CTTNBP2: variants seen among roughly 807,000 people sequenced by gnomAD.
CTTNBP2 encodes cortactin binding protein 2.
Under a neutral mutation model 156.9 loss-of-function variants are expected in CTTNBP2, and 108 were observed. The observed-to-expected ratio is 0.69, with a 90% confidence interval of 0.59 to 0.81. The LOEUF is 0.81. CTTNBP2 is among the 30% of genes least tolerant of loss of function. The pLI, the probability that CTTNBP2 is intolerant of heterozygous loss-of-function variation, is 0.00. For synonymous variants in CTTNBP2, 767 were observed against 751.8 expected (o/e 1.02, Z -0.33); for missense variants, 1,924 against 2,035.4 (o/e 0.95, Z 1.05).
chr7:117,853,152 A>T (rs1198596559), intron 2 of CTTNBP2, among the ~76,000 whole-genome samples: 1 of 152,222 alleles, frequency 6.6e-6, no homozygotes, highest in Non-Finnish European at 1.5e-5. Context: ...CCTGCAAAGC[A>T]TGAGCCAAAT....
intron 1 of CTTNBP2, among the ~76,000 whole-genome samples, chr7:117,866,584 G>A (rs949616981): frequency 6.6e-6 from 1 of 152,170 alleles, no homozygotes; most frequent in African/African-American, 2.4e-5. Flanking sequence ...ACTGGAAGGT[G>A]GGGTGATGAG....
intron 3 of CTTNBP2, among the ~76,000 whole-genome samples, chr7:117,802,719 G>A (rs1312597999): frequency 6.6e-6 from 1 of 152,050 alleles, no homozygotes; most frequent in South Asian, 2.1e-4. Context: ...AAAAAGGTGG[G>A]CAAAGGACAT....
intron 12 of CTTNBP2, among the ~76,000 whole-genome samples, chr7:117,749,857 T>G (rs532600624): frequency 1.3e-4 from 20 of 152,232 alleles, no homozygotes; most frequent in African/African-American, 4.8e-4. Context: ...AAAGAGAGAT[T>G]TCAGTTCTAT....
chr7:117,870,380 G>A (rs765331953), intron 1 of CTTNBP2, among the ~76,000 whole-genome samples: 3 of 152,170 alleles, frequency 2.0e-5, no homozygotes, highest in Non-Finnish European at 4.4e-5. Flanking sequence ...AATTGGCTAC[G>A]AAAGTTCTTT....
At chr7:117,716,758 C>T (rs954170504) in intron 22 of CTTNBP2, among the ~76,000 whole-genome samples, 1 of 152,252 alleles carries the variant, frequency 6.6e-6, no homozygotes, top group African/African-American at 2.4e-5. Flanking sequence ...AGCCCCCAGC[C>T]GTGTAAATTC....
At chr7:117,838,703 G>A (rs1265292077) in intron 2 of CTTNBP2, among the ~76,000 whole-genome samples, 1 of 151,970 alleles carries the variant, frequency 6.6e-6, no homozygotes, top group Non-Finnish European at 1.5e-5. Flanking sequence ...TGAGGGGCAA[G>A]TCATATATCA....
Position 117,791,821 on chromosome 7 carries a change from G to T in CTTNBP2, c.1375C>A (p.Pro459Thr), listed in dbSNP as rs547632194. The T allele has an allele frequency of 6.2e-7, 1 of 1,614,162 alleles. No homozygotes were observed. The highest frequency in any genetic ancestry group is 1.7e-5 in the Admixed American group (1 of 60,024). ...TGGGTAGTATTTCCATTTTGGTCTG[G>T]GTCGTTAGCATTGCCCTGAAATCTA... ...RFRFQGNAND[P>T]DQNGNTTQSP... The change falls in exon 4 of 23, where the codon CCA (proline) becomes ACA (threonine). Residue 459 changes from proline (P) to threonine (T), a missense_variant. Physicochemically the swap from Pro to Thr is conservative, Grantham distance 38. Transcript: ENST00000160373.
At chr7:117,786,568 A>G in intron 4 of CTTNBP2, 1 of 319,572 alleles carries the variant, frequency 3.1e-6, no homozygotes. Context: ...AAGGCATCGC[A>G]CTACAGTCCT....
intron 1 of CTTNBP2, among the ~76,000 whole-genome samples, chr7:117,866,279 A>G (rs1205394993): frequency 1.3e-5 from 2 of 152,186 alleles, no homozygotes; most frequent in African/African-American, 2.4e-5. Context: ...CTAAATATTA[A>G]CAGAAAAGTC....
intron 3 of CTTNBP2, among the ~76,000 whole-genome samples, chr7:117,809,319 A>G (rs1210294464): frequency 6.6e-6 from 1 of 152,218 alleles, no homozygotes. Flanking sequence ...TTTTTTATAT[A>G]TTCAATGACA....
At position 117,711,632 on chromosome 7, in the gene CTTNBP2, T is replaced by A; in HGVS notation, c.4897A>T (p.Ser1633Cys). ...ATTTCTATTTGCCTTGTATTACTGCTGCTGCTGCTTCTTTTGGTGTTCTGG... is the reference window on the plus strand; with the variant it reads ...ATTTCTATTTGCCTTGTATTACTGCAGCTGCTGCTTCTTTTGGTGTTCTGG... ...CSQNTKRSSS[S>C]SNTRQIEINN... is the part of the protein sequence containing the mutation. The change falls in exon 23 of 23, where the codon AGC becomes TGC. Residue 1633 changes from serine to cysteine, a missense_variant. Ser to Cys is a moderately radical substitution (Grantham distance 112). Transcript: ENST00000160373. The A allele has an allele frequency of 6.2e-7, 1 of 1,614,100 alleles. No homozygotes were observed. Among genetic ancestry groups the A allele is most frequent in the Non-Finnish European group, 8.5e-7 (1 of 1,179,964 alleles).
Position 117,852,482 on chromosome 7 carries a change from T to G in CTTNBP2, c.189+8727A>C, listed in dbSNP as rs557968457. ...TCTCCATCACTTCCCTAAACTCAGG[T>G]TATGCAGCATTCTCAAGTGCACCAG... On this transcript the variant is annotated intron_variant, in intron 2 of 22. Coordinates refer to ENST00000160373, the MANE Select transcript of CTTNBP2 (RefSeq NM_033427.3). 5.4e-4 allele frequency among the ~76,000 whole-genome samples: 82 copies of G among 152,238 alleles called. 1 individual carries two copies. Among genetic ancestry groups the G allele is most frequent in the Non-Finnish European group, 4.4e-5 (3 of 67,996 alleles).
At chr7:117,718,761 C>CAAAG (rs1461063913) in intron 21 of CTTNBP2, among the ~76,000 whole-genome samples, 1 of 152,112 alleles carries the variant, frequency 6.6e-6, no homozygotes, top group Non-Finnish European at 1.5e-5. Flanking sequence ...TTCTCATTTG[C>CAAAG]AAAGAAAGTT....
chr7:117,740,924 G>A (rs56007274), intron 14 of CTTNBP2, among the ~76,000 whole-genome samples: 2,457 of 152,262 alleles, frequency 0.016, 80 homozygotes, highest in African/African-American at 0.056. Context: ...CTGAGAAGAC[G>A]GCAGTGGAGG....
In CTTNBP2 at chr7:117,710,666, AT is replaced by A. The variant is rs1794008805; in HGVS notation, c.*870del. ...AGCAAAATGATTTCATGAAATCAAT[AT>A]TTTATTCAGTGTCAAAGCATCTTAA... On this transcript the variant is annotated 3_prime_UTR_variant, in exon 23 of 23. Coordinates refer to ENST00000160373, the MANE Select transcript of CTTNBP2 (RefSeq NM_033427.3). The A allele has an allele frequency of 6.6e-6, 1 of 152,602 alleles. No individual in the cohort carries two copies. Among genetic ancestry groups the A allele is most frequent in the Admixed American group, 6.5e-5 (1 of 15,276 alleles). 9.5% of individuals were successfully genotyped at this position (152,602 alleles called of 1,614,324 possible).
chr7:117,719,424 C>A (rs546876647), intron 21 of CTTNBP2, 80 bp downstream of exon 21: 48 of 1,336,168 alleles, frequency 3.6e-5, no homozygotes, highest in Non-Finnish European at 4.6e-5. Flanking sequence ...TAAGGAATTT[C>A]TTTTAGGGAA....
chr7:117,797,333 A>C (rs1446033406), intron 3 of CTTNBP2, among the ~76,000 whole-genome samples: 3 of 152,240 alleles, frequency 2.0e-5, no homozygotes, highest in African/African-American at 4.8e-5. Context: ...TTAACTGTTT[A>C]CTAGAACAAA....
At chr7:117,726,011 A>G (rs963110421) in intron 17 of CTTNBP2, among the ~76,000 whole-genome samples, 3 of 152,160 alleles carry the variant, frequency 2.0e-5, no homozygotes, top group Admixed American at 6.5e-5. Context: ...TCACCGGCAA[A>G]TTAAATCTGC....
At chr7:117,858,751 G>A (rs1803504324) in intron 2 of CTTNBP2, among the ~76,000 whole-genome samples, 1 of 152,130 alleles carries the variant, frequency 6.6e-6, no homozygotes, top group South Asian at 2.1e-4. Flanking sequence ...CCAGTCTAGA[G>A]GGTAACTCCT....
Sources: gnomAD v4.1 joint callset for allele counts (sites outside exome capture counted in the v4.1 genomes callset) on GRCh38, gnomAD v4.1.1 for gene constraint, MANE v1.5 for transcripts, NCBI Gene and HGNC (gene_info 2026-07-23, HGNC 2026-07-21) for gene names.